The following SLC51A variants were observed in gnomAD, a reference collection of about 807,000 sequenced individuals.
SLC51A encodes the protein solute carrier family 51 member A.
Under a neutral mutation model 34.8 loss-of-function variants are expected in SLC51A, and 22 were observed. The observed-to-expected ratio is 0.63, with a 90% CI of 0.45 to 0.90. The LOEUF is 0.90. SLC51A is among the 40% of genes least tolerant of loss of function. The pLI is 0.00. For synonymous variants in SLC51A, 181 were observed against 176.3 expected, an observed-to-expected ratio of 1.03 and a Z score of -0.21; for missense variants, 371 against 414.8, an observed-to-expected ratio of 0.89 and a Z score of 0.92.
In SLC51A at chr3:196,233,176, C is replaced by A. The variant is rs1577349376; in HGVS notation, c.1000C>A (p.Leu334Met). ...GTATGAAACTTTCTCTTCTCCAGACCTGGACTTGAACCTCAAAGCCTAAGG... is the reference window on the plus strand; with the variant it reads ...GTATGAAACTTTCTCTTCTCCAGACATGGACTTGAACCTCAAAGCCTAAGG... The part of the protein sequence containing the change: ...VGYETFSSPD[L>M]DLNLKA Residue 334 changes from leucine (L) to methionine (M), a missense_variant, in exon 9 of 9, where the codon CTG becomes ATG. By Grantham distance (15) the Leu-to-Met change is conservative. Transcript: ENST00000296327. 6 of 1,614,226 alleles carry A rather than the reference C, an allele frequency of 3.7e-6. No individual in the cohort carries two copies. The East Asian group carries it at 1.3e-4, about 36-fold the overall frequency.
rs1319252580 is a variant in SLC51A, at chr3:196,216,939, C to T, written c.38+189C>T. Among the ~76,000 whole-genome samples, 1 of 152,194 alleles carries T rather than the reference C, an allele frequency of 6.6e-6. No individual in the cohort carries two copies. Among genetic ancestry groups the T allele is most frequent in the African/African-American group, 2.4e-5 (1 of 41,446 alleles). ...TGGGCCAGGGTGTGACACTCCAGGG[C>T]CTCGGCCTTGCCCCCCAGCGTGGGG... On this transcript the variant is annotated intron_variant, in intron 1 of 8. Transcript: ENST00000296327. This position sits in a 1 kb window ranked among gnomAD's most constrained non-coding sequence, Gnocchi z 4.5.
At chr3:196,226,877 C>A in intron 2 of SLC51A, 88 bp from the exon 3 acceptor site, 1 of 1,372,060 alleles carries the variant, frequency 7.3e-7, no homozygotes, top group South Asian at 1.5e-5. Context: ...GAGCCTAGAT[C>A]CAGTAAGGCA....
chr3:196,225,668 A>G (rs1356350343), intron 2 of SLC51A: 8 of 152,248 alleles, frequency 5.3e-5, no homozygotes, highest in African/African-American at 1.9e-4. Flanking sequence ...TAACGGCTGC[A>G]TTAATGAATC....
rs1026261422 is a variant in SLC51A, at chr3:196,227,745, C to T, written c.362+8C>T. On this transcript the variant is annotated splice_region_variant and intron_variant, in intron 4 of 8. Transcript: ENST00000296327. Reference sequence around the variant, plus strand: ...GGAAATGACCATCACCTCGTGAGTGCCCTGCCTCGCCCCACCTCCAAGGGC... The same window carrying T: ...GGAAATGACCATCACCTCGTGAGTGTCCTGCCTCGCCCCACCTCCAAGGGC... 1 of 1,607,360 alleles carries T rather than the reference C, an allele frequency of 6.2e-7. No individual in the cohort carries two copies. The highest frequency in any genetic ancestry group is 8.5e-7 in the Non-Finnish European group (1 of 1,177,312).
intron 2 of SLC51A, among the ~76,000 whole-genome samples, chr3:196,221,493 C>G (rs1206126753): frequency 2.0e-5 from 3 of 151,984 alleles, no homozygotes; most frequent in East Asian, 3.9e-4. Context: ...CTCAAACGCT[C>G]CAGCTCAAGC....
intron 2 of SLC51A, among the ~76,000 whole-genome samples, chr3:196,220,050 C>T (rs1474774517): frequency 6.6e-6 from 1 of 152,188 alleles, no homozygotes; most frequent in African/African-American, 2.4e-5. Flanking sequence ...AGGATGAGTT[C>T]GGGGACGCCC....
Position 196,229,043 on chromosome 3 carries a change from C to T in SLC51A, c.633+123C>T, listed in dbSNP as rs778448764. The stretch of plus-strand genomic sequence containing the variant: ...CCAGAAAAGGGTGGCTGTGGGAAAA[C>T]AGAGGCTCAGGGACTGCCAGGGAGA... On this transcript the variant is annotated intron_variant, in intron 6 of 8. Transcript: ENST00000296327. The T allele has an allele frequency of 3.7e-6, 3 of 805,266 alleles. No homozygotes were observed. The East Asian group carries it at 7.8e-5, about 21-fold the overall frequency. The allele number at this position is 805,266 out of a possible 1,614,324, so 49.9% of individuals were successfully genotyped here.
At chr3:196,222,456 G>A (rs1723785045) in intron 2 of SLC51A, among the ~76,000 whole-genome samples, 1 of 151,414 alleles carries the variant, frequency 6.6e-6, no homozygotes, top group Non-Finnish European at 1.5e-5. Context: ...CCAACATGGT[G>A]AAACCCTATC....
Position 196,233,333 on chromosome 3 carries a change from G to A in SLC51A, c.*134G>A. 1.0e-6 allele frequency: 1 copy of A among 989,018 alleles called. No homozygotes were observed. The highest frequency in any genetic ancestry group is 1.5e-6 in the Non-Finnish European group (1 of 668,994). The allele number at this position is 989,018 out of a possible 1,614,324, so 61.3% of individuals were successfully genotyped here. On this transcript the variant is annotated 3_prime_UTR_variant, in exon 9 of 9. Coordinates refer to ENST00000296327, the MANE Select transcript of SLC51A (RefSeq NM_152672.6). ...GCTGGCAGATACATTTGACTCTACA[G>A]ATGAAGGTGAACAATGTTAGAATAA...
intron 7 of SLC51A, among the ~76,000 whole-genome samples, chr3:196,230,435 C>G (rs1286225379): frequency 6.6e-6 from 1 of 152,118 alleles, no homozygotes; most frequent in East Asian, 1.9e-4. Flanking sequence ...CCATCCTTGA[C>G]CAGCATTTGC....
At chr3:196,225,097 C>T (rs1379606131) in intron 2 of SLC51A, among the ~76,000 whole-genome samples, 1 of 151,228 alleles carries the variant, frequency 6.6e-6, no homozygotes, top group Admixed American at 6.6e-5. Flanking sequence ...TCACCTCTCC[C>T]GGAGTAGCTG....
Position 196,229,960 on chromosome 3 carries a change from GT to G in SLC51A, c.680del (p.Val227GlyfsTer39). On this transcript the variant is annotated frameshift_variant, in exon 7 of 9. Coordinates refer to ENST00000296327, the MANE Select transcript of SLC51A (RefSeq NM_152672.6). LOFTEE classifies it high-confidence loss of function. ...TALWINTFLG[V>X]STLLALWTLG... ...TCTATGGATCAACACTTTCCTTGGCGTGTCCACACTGCTGGCTCTCTGGACC... is the reference window on the plus strand; with the variant it reads ...TCTATGGATCAACACTTTCCTTGGCGGTCCACACTGCTGGCTCTCTGGACC... 1 of 1,613,504 alleles carries G rather than the reference GT, an allele frequency of 6.2e-7. No individual in the cohort carries two copies. Among genetic ancestry groups the G allele is most frequent in the Non-Finnish European group, 8.5e-7 (1 of 1,179,692 alleles).
At chr3:196,217,768 T>C in intron 1 of SLC51A, 74 bp from the exon 2 acceptor site, 1 of 1,253,868 alleles carries the variant, frequency 8.0e-7, no homozygotes, top group Non-Finnish European at 1.1e-6. Flanking sequence ...TCAGGAGTGG[T>C]TGAGGGTCCA....
In SLC51A at chr3:196,228,477, C is replaced by T; in HGVS notation, c.521+204C>T. 1.5e-6 allele frequency: 1 copy of T among 648,660 alleles called. No individual in the cohort carries two copies. Among genetic ancestry groups the T allele is most frequent in the Non-Finnish European group, 2.6e-6 (1 of 384,098 alleles). 40.2% of individuals were successfully genotyped at this position (648,660 alleles called of 1,614,324 possible). On this transcript the variant is annotated intron_variant, in intron 5 of 8. Transcript: ENST00000296327. This position sits in a 1 kb window ranked among gnomAD's most constrained non-coding sequence, Gnocchi z 4.9. ...GAGCTCCTCAATTGTCATCACTGAA[C>T]TTCACTGCACCCTGCAAGCCTTAGC...
At chr3:196,217,100 C>G (rs1350970414) in intron 1 of SLC51A, among the ~76,000 whole-genome samples, 1 of 152,220 alleles carries the variant, frequency 6.6e-6, no homozygotes, top group East Asian at 1.9e-4. Flanking sequence ...CTGGTCAGTC[C>G]CTGGGCTGCT....
intron 2 of SLC51A, among the ~76,000 whole-genome samples, chr3:196,221,294 G>C (rs1723749940): frequency 1.3e-5 from 2 of 151,896 alleles, no homozygotes; most frequent in South Asian, 4.2e-4. Context: ...TATTATTCTA[G>C]AAGAATGATT....
In SLC51A at chr3:196,228,358, C is replaced by T. The variant is rs912781606; in HGVS notation, c.521+85C>T. The T allele has an allele frequency of 6.8e-7, 1 of 1,479,658 alleles. No homozygotes were observed. Among genetic ancestry groups the T allele is most frequent in the Non-Finnish European group, 9.0e-7 (1 of 1,114,220 alleles). The allele number at this position is 1,479,658 out of a possible 1,614,324, so 91.7% of individuals were successfully genotyped here. Reference sequence around the variant, plus strand: ...CCCCTTCAAGGCTCTGGGAATTAGGCGTGAATAGGCCAAAGCCAGTGACGG... The same window carrying T: ...CCCCTTCAAGGCTCTGGGAATTAGGTGTGAATAGGCCAAAGCCAGTGACGG... On this transcript the variant is annotated intron_variant, in intron 5 of 8. Coordinates refer to ENST00000296327, the MANE Select transcript of SLC51A (RefSeq NM_152672.6). This position sits in a 1 kb window ranked among gnomAD's most constrained non-coding sequence, Gnocchi z 4.9.
Position 196,228,551 on chromosome 3 carries a change from A to G in SLC51A, c.522-258A>G, listed in dbSNP as rs750752161. On this transcript the variant is annotated intron_variant, in intron 5 of 8. Transcript: ENST00000296327. The surrounding 1 kb of genome is among the most constrained non-coding windows in gnomAD (Gnocchi z 4.9). ...GGCCATTCGCTTGCCCCTTCTGCCC[A>G]CTTTGGTGAATGAGGTTGAGGTCAC... 159 of 604,382 alleles carry G rather than the reference A, an allele frequency of 2.6e-4. No homozygotes were observed. The highest frequency in any genetic ancestry group is 2.4e-4 in the Admixed American group (8 of 33,848). 37.4% of individuals were successfully genotyped at this position (604,382 alleles called of 1,614,324 possible). A position where few individuals can be genotyped will look rare whatever the true frequency, so the allele number is the denominator to read the frequency against.
chr3:196,225,499 C>T (rs755116767), intron 2 of SLC51A, among the ~76,000 whole-genome samples: 2 of 152,174 alleles, frequency 1.3e-5, no homozygotes, highest in East Asian at 3.8e-4. Flanking sequence ...GTGCTCACCC[C>T]GCAAGGCAAC....
Sources: allele counts gnomAD v4.1 joint callset (sites outside exome capture counted in the v4.1 genomes callset), GRCh38; gene constraint gnomAD v4.1.1; non-coding constraint Gnocchi (gnomAD v3.1); transcripts MANE v1.5; gene names NCBI Gene and HGNC (gene_info 2026-07-23, HGNC 2026-07-21).